The following SCAF11 variants were observed in gnomAD, a reference collection of about 807,000 sequenced individuals.
The protein encoded by SCAF11 is protein SCAF11.
In SCAF11, 47 loss-of-function variants were observed where a neutral mutation model predicts 140.5. That is an observed-to-expected ratio of 0.33 (90% CI 0.26 to 0.43). SCAF11 has a LOEUF of 0.43. SCAF11 is among the 20% of genes least tolerant of loss of function. SCAF11 has a pLI of 1.00. For missense variants in SCAF11, 1,645 were observed against 1,705.1 expected (o/e 0.96, Z 0.62); for synonymous variants, 557 against 579.4 (o/e 0.96, Z 0.55).
chr12:45,938,898 A>T (rs1402171197), intron 6 of SCAF11, among the ~76,000 whole-genome samples: 1 of 149,424 alleles, frequency 6.7e-6, no homozygotes, highest in Non-Finnish European at 1.5e-5. Context: ...AACTATATCA[A>T]TTATAAACTA....
At chr12:45,954,938 C>G (rs1281200893) in intron 3 of SCAF11, 3 of 122,010 alleles carry the variant, frequency 2.5e-5, no homozygotes, top group Non-Finnish European at 5.9e-5. Flanking sequence ...AGATTCCCCC[C>G]CTTTTTTTTC....
intron 1 of SCAF11, among the ~76,000 whole-genome samples, chr12:45,971,073 A>C (rs1946060561): frequency 6.6e-6 from 1 of 152,240 alleles, no homozygotes; most frequent in Non-Finnish European, 1.5e-5. Context: ...TGAATTGAAA[A>C]TAGGACAAGT....
At chr12:45,923,447 T>C (rs1049230894) in intron 12 of SCAF11, among the ~76,000 whole-genome samples, 5 of 152,144 alleles carry the variant, frequency 3.3e-5, no homozygotes, top group Admixed American at 3.3e-4. Context: ...AAGAATTATA[T>C]CTTTCCTGCA....
At chr12:45,969,240 A>G (rs1042961246) in intron 1 of SCAF11, among the ~76,000 whole-genome samples, 2 of 152,210 alleles carry the variant, frequency 1.3e-5, no homozygotes, top group Admixed American at 6.5e-5. Context: ...GGGTACCTCA[A>G]GCCGCGGGGA....
At chr12:45,923,230 A>G in intron 12 of SCAF11, 76 bp from the exon 13 acceptor site, 1 of 1,292,104 alleles carries the variant, frequency 7.7e-7, no homozygotes, top group Non-Finnish European at 1.1e-6. Context: ...ATTAGAAATA[A>G]CATTAAAAAA....
At chr12:45,972,382 G>A (rs1215809879) in intron 1 of SCAF11, among the ~76,000 whole-genome samples, 1 of 151,940 alleles carries the variant, frequency 6.6e-6, no homozygotes, top group African/African-American at 2.4e-5. Context: ...AGTAGTTAGA[G>A]ACCAGTCTGG....
chr12:45,945,170 T>C, intron 6 of SCAF11, 79 bp downstream of exon 6: 1 of 828,444 alleles, frequency 1.2e-6, no homozygotes, highest in South Asian at 1.5e-5. Flanking sequence ...GAAGTGTTAC[T>C]GATGAGAACT....
chr12:45,978,465 G>A (rs1008544490), intron 1 of SCAF11, among the ~76,000 whole-genome samples: 2 of 152,142 alleles, frequency 1.3e-5, no homozygotes, highest in African/African-American at 2.4e-5. Flanking sequence ...GAGTTTACAC[G>A]TAGAAAACTA....
chr12:45,973,637 G>C (rs1023443161), intron 1 of SCAF11, among the ~76,000 whole-genome samples: 4 of 152,110 alleles, frequency 2.6e-5, no homozygotes, highest in African/African-American at 9.7e-5. Context: ...TTAATGATTT[G>C]AATCACCGGT....
intron 12 of SCAF11, among the ~76,000 whole-genome samples, 198 bp from the exon 13 acceptor site, chr12:45,923,352 A>T (rs749903779): frequency 6.6e-6 from 1 of 152,248 alleles, no homozygotes; most frequent in Non-Finnish European, 1.5e-5. Context: ...CCTTATTTAG[A>T]TATGTCAAGA....
intron 3 of SCAF11, chr12:45,955,558 A>G (rs1330266935): frequency 6.5e-6 from 1 of 152,866 alleles, no homozygotes; most frequent in Non-Finnish European, 1.5e-5. Flanking sequence ...AGTAAAATTT[A>G]CAATTAAATT....
chr12:45,949,993 A>C (rs1293903683), intron 4 of SCAF11, among the ~76,000 whole-genome samples: 1 of 152,188 alleles, frequency 6.6e-6, no homozygotes, highest in South Asian at 2.1e-4. Context: ...ATGACAAAGA[A>C]GATTGTGAAA....
rs867225184 is a variant in SCAF11, at chr12:45,989,983, C to G, written c.-22+370G>C. 8.6e-4 allele frequency among the ~76,000 whole-genome samples: 131 copies of G among 152,038 alleles called. 1 individual carries two copies. The highest frequency in any genetic ancestry group is 1.5e-3 in the Non-Finnish European group (100 of 67,876). ...TCTGGCGTGGAGCCCCTTCCCCCCC[C>G]CCCGTAGGACCCTGCACCCGGACGG... is the stretch of plus-strand genomic sequence containing the variant. On this transcript the variant is annotated intron_variant, in intron 1 of 14. Transcript: ENST00000369367.
intron 1 of SCAF11, among the ~76,000 whole-genome samples, chr12:45,973,425 A>T (rs896377944): frequency 8.5e-5 from 13 of 152,064 alleles, no homozygotes; most frequent in African/African-American, 3.1e-4. Context: ...GAAGAAGAAG[A>T]AATAATGGGT....
chr12:45,934,545 A>G, intron 6 of SCAF11, 40 bp from the exon 7 acceptor site: 1 of 1,397,112 alleles, frequency 7.2e-7, no homozygotes, highest in Non-Finnish European at 9.6e-7. Flanking sequence ...CCTTGTATTA[A>G]TTTTTATTAA....
chr12:45,926,661 C>T lies in SCAF11; in HGVS notation c.3040G>A (p.Asp1014Asn), dbSNP rs774041979. ...HLDADDPNSA[D>N]KHRNDCPNWI... ...TTGGGACAGTCATTTCTATGTTTGT[C>T]AGCAGAATTTGGATCATCAGCATCT... Residue 1014 changes from aspartate (D) to asparagine (N), a missense_variant, in exon 11 of 15, where the codon GAC becomes AAC. Asp to Asn is a conservative substitution (Grantham distance 23). Coordinates refer to ENST00000369367, the MANE Select transcript of SCAF11 (RefSeq NM_004719.3). The T allele has an allele frequency of 6.2e-7, 1 of 1,613,808 alleles. No individual in the cohort carries two copies. Among genetic ancestry groups the T allele is most frequent in the East Asian group, 2.2e-5 (1 of 44,882 alleles).
intron 3 of SCAF11, among the ~76,000 whole-genome samples, chr12:45,959,470 G>A (rs1945774174): frequency 6.6e-6 from 1 of 152,188 alleles, no homozygotes; most frequent in Non-Finnish European, 1.5e-5. Flanking sequence ...CTAGGCATAA[G>A]GCATGGCCTG....
At chr12:45,932,238 C>T (rs1451845131) in intron 9 of SCAF11, among the ~76,000 whole-genome samples, 1 of 152,066 alleles carries the variant, frequency 6.6e-6, no homozygotes, top group Non-Finnish European at 1.5e-5. Flanking sequence ...CTCAGTGTCC[C>T]TAGAGACCTG....
intron 3 of SCAF11, among the ~76,000 whole-genome samples, chr12:45,954,271 C>T (rs1945622396): frequency 1.3e-5 from 2 of 151,618 alleles, no homozygotes; most frequent in Non-Finnish European, 2.9e-5. Context: ...TTGCTCTGTC[C>T]CCCAGGCTGG....
Sources: gnomAD v4.1 joint callset for allele counts (sites outside exome capture counted in the v4.1 genomes callset) on GRCh38, gnomAD v4.1.1 for gene constraint, MANE v1.5 for transcripts, NCBI Gene and HGNC (gene_info 2026-07-23, HGNC 2026-07-21) for gene names.